The following OPCML variants were observed in gnomAD, a reference collection of about 807,000 sequenced individuals.
OPCML encodes opioid binding protein/cell adhesion molecule like.
In OPCML, 13 loss-of-function variants were observed where a neutral mutation model predicts 37.8. The observed-to-expected ratio is 0.34, with a 90% CI of 0.22 to 0.55. The LOEUF (loss-of-function observed/expected upper bound fraction) is 0.55, where lower values mean the gene tolerates loss of function less well. Ranked by LOEUF, OPCML falls within the 20% of genes least tolerant of loss-of-function variation. The pLI, the probability that OPCML is intolerant of heterozygous loss-of-function variation, is 0.91. For synonymous variants in OPCML, 176 were observed against 168.8 expected, an observed-to-expected ratio of 1.04 and a Z score of -0.33; for missense variants, 341 against 435.6, an observed-to-expected ratio of 0.78 and a Z score of 1.93.
rs145489704 is a variant in OPCML, at chr11:132,455,019, T to C, written c.506-17660A>G. Among the ~76,000 whole-genome samples, 48 of 152,342 alleles carry C rather than the reference T, an allele frequency of 3.2e-4. No homozygotes were observed. In the East Asian group the frequency reaches 7.5e-3, roughly 24 times the overall value. ...TGAACAGAGTATAAGACCATTATAA[T>C]AGAATGTATCACATAAACCTGGATA... On this transcript the variant is annotated intron_variant, in intron 4 of 7. Coordinates refer to ENST00000524381, the MANE Select transcript of OPCML (RefSeq NM_001012393.5).
chr11:133,497,599 C>T (rs548425352), intron 1 of OPCML, among the ~76,000 whole-genome samples: 2 of 151,228 alleles, frequency 1.3e-5, no homozygotes, highest in South Asian at 2.1e-4. Flanking sequence ...TTGGTCACGT[C>T]GCTCTTGTTA....
chr11:133,412,608 C>T (rs1945674161), intron 1 of OPCML, among the ~76,000 whole-genome samples: 1 of 152,212 alleles, frequency 6.6e-6, no homozygotes, highest in South Asian at 2.1e-4. Context: ...TTACCACCAA[C>T]TCAGCTGATA....
At chr11:132,469,918 G>A (rs1158597052) in intron 4 of OPCML, among the ~76,000 whole-genome samples, 1 of 145,218 alleles carries the variant, frequency 6.9e-6, no homozygotes, top group East Asian at 2.1e-4. Flanking sequence ...GTATATGTGT[G>A]TATGTGTGTG....
chr11:132,924,252 G>T (rs1487551280), intron 2 of OPCML, among the ~76,000 whole-genome samples: 1 of 152,066 alleles, frequency 6.6e-6, no homozygotes, highest in African/African-American at 2.4e-5. Context: ...ATGGAGGATG[G>T]AGTGGGGTGC....
At chr11:132,849,916 T>C (rs978296214) in intron 2 of OPCML, among the ~76,000 whole-genome samples, 1 of 152,178 alleles carries the variant, frequency 6.6e-6, no homozygotes, top group Non-Finnish European at 1.5e-5. Context: ...GTGTCATGGA[T>C]CTCTAAGTTC....
At chr11:132,995,052 T>A (rs1301969156) in intron 1 of OPCML, among the ~76,000 whole-genome samples, 1 of 152,208 alleles carries the variant, frequency 6.6e-6, no homozygotes, top group East Asian at 1.9e-4. Flanking sequence ...CACTTTCCTC[T>A]CTACCAGGGC....
At chr11:132,460,726 G>A (rs1335651680) in intron 4 of OPCML, among the ~76,000 whole-genome samples, 1 of 152,168 alleles carries the variant, frequency 6.6e-6, no homozygotes, top group Non-Finnish European at 1.5e-5. Flanking sequence ...CTTCAGCACT[G>A]CACAATAAAC....
rs565587616 is a variant in OPCML at position 132,488,090 on chromosome 11, A to G, written c.505+40971T>C. ...GCCTCAGCCACCCTGGGCCTCCCCA[A>G]CCGCATGCCTATGCAGCTGCTTATG... is the stretch of plus-strand genomic sequence containing the variant. On this transcript the variant is annotated intron_variant, in intron 4 of 7. Transcript: ENST00000524381. Among the ~76,000 whole-genome samples, 74 of 152,306 alleles carry G rather than the reference A, an allele frequency of 4.9e-4. No homozygotes were observed. In the South Asian group the frequency reaches 8.7e-3, roughly 18 times the overall value.
chr11:133,396,435 C>T (rs998386999), intron 1 of OPCML, among the ~76,000 whole-genome samples: 9 of 151,836 alleles, frequency 5.9e-5, no homozygotes, highest in African/African-American at 2.2e-4. Flanking sequence ...CTTATTTTTC[C>T]ACATTCCTAT....
chr11:132,578,483 A>T (rs1191525410), intron 3 of OPCML, among the ~76,000 whole-genome samples: 1 of 152,212 alleles, frequency 6.6e-6, no homozygotes, highest in Non-Finnish European at 1.5e-5. Flanking sequence ...ACTGGTCTGC[A>T]TTTGTGGAGC....
chr11:133,495,679 T>A (rs188855939), intron 1 of OPCML, among the ~76,000 whole-genome samples: 59 of 152,348 alleles, frequency 3.9e-4, no homozygotes, highest in African/African-American at 1.2e-3. Flanking sequence ...TTTTCATATG[T>A]CTGTTGGCCA....
chr11:133,071,317 G>T (rs962766140), intron 1 of OPCML, among the ~76,000 whole-genome samples: 5 of 152,086 alleles, frequency 3.3e-5, no homozygotes, highest in Non-Finnish European at 5.9e-5. Flanking sequence ...TCAGCAAAAG[G>T]GTTTTGCAAC....
At chr11:132,609,370 C>T (rs1938497426) in intron 3 of OPCML, among the ~76,000 whole-genome samples, 1 of 152,150 alleles carries the variant, frequency 6.6e-6, no homozygotes, top group Non-Finnish European at 1.5e-5. Context: ...ACTTCGAAGG[C>T]CGTGTTCTTT....
At chr11:132,923,001 G>T (rs903541632) in intron 2 of OPCML, among the ~76,000 whole-genome samples, 3 of 151,844 alleles carry the variant, frequency 2.0e-5, no homozygotes, top group African/African-American at 7.3e-5. Flanking sequence ...TTGAGCCTGG[G>T]AAGTCAAGGC....
chr11:132,682,172 G>C (rs1176871514), intron 2 of OPCML, among the ~76,000 whole-genome samples: 1 of 152,152 alleles, frequency 6.6e-6, no homozygotes, highest in East Asian at 1.9e-4. Context: ...TCTCACCTGA[G>C]TGCTCTCTCT....
chr11:132,546,662 G>A (rs2096369393), intron 3 of OPCML, among the ~76,000 whole-genome samples: 1 of 152,188 alleles, frequency 6.6e-6, no homozygotes, highest in Non-Finnish European at 1.5e-5. Context: ...TTTCCCAGCT[G>A]TGTGACCTTG....
chr11:133,476,213 T>C (rs1947235105), intron 1 of OPCML, among the ~76,000 whole-genome samples: 1 of 152,134 alleles, frequency 6.6e-6, no homozygotes, highest in African/African-American at 2.4e-5. Flanking sequence ...TTACAGCTAC[T>C]CCCTTGATGG....
intron 2 of OPCML, among the ~76,000 whole-genome samples, chr11:132,828,221 T>G (rs1051629505): frequency 6.6e-6 from 1 of 152,076 alleles, no homozygotes; most frequent in Non-Finnish European, 1.5e-5. Flanking sequence ...TAGATAGATC[T>G]GTGGAGTTGG....
intron 1 of OPCML, among the ~76,000 whole-genome samples, chr11:133,314,232 CAAAAAAAAAAAAAA>C (rs59843718): frequency 3.6e-4 from 18 of 49,752 alleles, no homozygotes; most frequent in Admixed American, 5.9e-4. Flanking sequence ...GACTCCGTCT[CAAAAAAAAAAAAAA>C]AAAAAAAAAA....
Sources: allele counts gnomAD v4.1 joint callset (sites outside exome capture counted in the v4.1 genomes callset), GRCh38; gene constraint gnomAD v4.1.1; transcripts MANE v1.5; gene names NCBI Gene and HGNC (gene_info 2026-07-23, HGNC 2026-07-21).